AKR1C3: variants seen among roughly 807,000 people sequenced by gnomAD.
The protein encoded by AKR1C3 is 3-alpha hydroxysteroid dehydrogenase, type II.
In AKR1C3, 48 loss-of-function variants were observed where a neutral mutation model predicts 43.6. The ratio of observed to expected loss-of-function variants is 1.10; its 90% CI spans 0.87 to 1.40. The LOEUF is 1.40. Among genes scored for constraint, AKR1C3 ranks in the 40% most tolerant of loss-of-function variants. The pLI is 0.00. For synonymous variants in AKR1C3, 162 were observed against 139.6 expected (o/e 1.16, Z -1.13); for missense variants, 482 against 391.2 (o/e 1.23, Z -1.96).
chr10:5,048,846 A>G (rs1554778632), exon 1 of AKR1C3: 2 of 1,614,008 alleles, frequency 1.2e-6, no homozygotes, highest in East Asian at 2.2e-5. Flanking sequence ...AAGCTAAATG[A>G]TGGTCACTTC....
chr10:5,049,006 C>G, intron 1 of AKR1C3: 3 of 812,676 alleles, frequency 3.7e-6, no homozygotes, highest in Non-Finnish European at 6.2e-6. Context: ...ATGACTCCAA[C>G]CTGAGTTTCC....
At chr10:5,061,081 G>C (rs1838373753) in intron 1 of AKR1C3, among the ~76,000 whole-genome samples, 1 of 152,202 alleles carries the variant, frequency 6.6e-6, no homozygotes. Context: ...AGCCCAGAAA[G>C]GGGCTCCCAC....
intron 8 of AKR1C3, among the ~76,000 whole-genome samples, chr10:5,106,612 A>G (rs587638543): frequency 6.6e-6 from 1 of 152,110 alleles, no homozygotes; most frequent in African/African-American, 2.4e-5. Flanking sequence ...TTAGCCAGGC[A>G]TGGTGACACT....
At chr10:5,085,467 A>C (rs1838942556) in intron 1 of AKR1C3, among the ~76,000 whole-genome samples, 1 of 151,796 alleles carries the variant, frequency 6.6e-6, no homozygotes, top group Non-Finnish European at 1.5e-5. Context: ...GTGCTGCTGG[A>C]TTCGGTTTGC....
chr10:5,069,958 G>A (rs1450822204), intron 1 of AKR1C3, among the ~76,000 whole-genome samples: 2 of 152,176 alleles, frequency 1.3e-5, no homozygotes, highest in Admixed American at 6.6e-5. Context: ...GCAATACCTG[G>A]GAGTGACTCC....
At chr10:5,067,616 G>GA (rs1406973107) in intron 1 of AKR1C3, among the ~76,000 whole-genome samples, 4 of 152,146 alleles carry the variant, frequency 2.6e-5, no homozygotes, top group Non-Finnish European at 5.9e-5. Context: ...TATACAACCA[G>GA]AAAACATGCA....
upstream of AKR1C3, chr10:5,048,790 G>A: frequency 6.2e-7 from 1 of 1,609,534 alleles, no homozygotes; most frequent in Non-Finnish European, 8.5e-7. Flanking sequence ...AGAAACATTT[G>A]CTAGCCAGCT....
intron 1 of AKR1C3, among the ~76,000 whole-genome samples, chr10:5,061,099 C>T (rs921444968): frequency 2.6e-5 from 4 of 152,200 alleles, no homozygotes; most frequent in African/African-American, 7.2e-5. Flanking sequence ...CACAGTGCAG[C>T]GGCGGGCTGA....
chr10:5,105,478 A>ATAAC lies in AKR1C3; in HGVS notation c.847-115_847-112dup, dbSNP rs1257193967. The ATAAC allele has an allele frequency of 3.2e-5, 24 of 738,936 alleles. No homozygotes were observed. The East Asian group carries it at 4.1e-4, about 13-fold the overall frequency. 45.8% of individuals were successfully genotyped at this position (738,936 alleles called of 1,614,324 possible). A position where few individuals can be genotyped will look rare whatever the true frequency, so the allele number is the denominator to read the frequency against. On this transcript the variant is annotated intron_variant, in intron 7 of 8. Coordinates refer to ENST00000380554, the MANE Select transcript of AKR1C3 (RefSeq NM_003739.6). ...ACCTGAGTGTTTAGAGCTGACTTCT[A>ATAAC]TAACTGTTTAAAACTTACCAATATT... is the stretch of plus-strand genomic sequence containing the variant.
intron 1 of AKR1C3, among the ~76,000 whole-genome samples, chr10:5,079,891 T>G (rs1838795806): frequency 6.6e-6 from 1 of 152,178 alleles, no homozygotes; most frequent in African/African-American, 2.4e-5. Context: ...TGTAATCAAG[T>G]CACCAAAACT....
intron 1 of AKR1C3, among the ~76,000 whole-genome samples, chr10:5,069,728 G>A (rs1838580734): frequency 6.6e-6 from 1 of 152,118 alleles, no homozygotes; most frequent in African/African-American, 2.4e-5. Flanking sequence ...ACAAAAATTA[G>A]CCCAGCATGG....
chr10:5,069,434 G>T (rs141775920), intron 1 of AKR1C3, among the ~76,000 whole-genome samples: 5 of 152,290 alleles, frequency 3.3e-5, no homozygotes, highest in Admixed American at 2.6e-4. Flanking sequence ...CAAAAAGTTA[G>T]TTAGAATTTG....
chr10:5,049,717 TTCTC>T (rs1378792975), intron 1 of AKR1C3, among the ~76,000 whole-genome samples: 1 of 152,248 alleles, frequency 6.6e-6, no homozygotes, highest in African/African-American at 2.4e-5. Context: ...AGTCTCACTT[TTCTC>T]TCTATCAGTG....
At chr10:5,105,503 T>C in intron 7 of AKR1C3, 92 bp from the exon 8 acceptor site, 2 of 953,342 alleles carry the variant, frequency 2.1e-6, no homozygotes, top group South Asian at 3.2e-5. Context: ...TTACCAATAT[T>C]TTAAGTATTG....
intron 1 of AKR1C3, among the ~76,000 whole-genome samples, chr10:5,060,787 G>GACA (rs1554780150): frequency 3.6e-4 from 26 of 72,032 alleles, no homozygotes; most frequent in African/African-American, 1.3e-3. Context: ...CACAGAGGTG[G>GACA]GGAGGCTCAG....
chr10:5,072,816 G>A (rs1412573153), intron 1 of AKR1C3, among the ~76,000 whole-genome samples: 7 of 152,098 alleles, frequency 4.6e-5, no homozygotes, highest in Admixed American at 2.0e-4. Flanking sequence ...ATGAAGACCA[G>A]TTATCATTTA....
In AKR1C3 at chr10:5,097,891, A is replaced by G. The variant is rs571388187; in HGVS notation, c.369+341A>G. 133 of 1,103,046 alleles carry G rather than the reference A, an allele frequency of 1.2e-4. 1 individual carries two copies. In the African/African-American group the frequency reaches 2.0e-3, roughly 17 times the overall value. 68.3% of individuals were successfully genotyped at this position (1,103,046 alleles called of 1,614,324 possible). ...GAGTTTCATGCAGTTGTGGTGCCCA[A>G]TAAAACTGCTGCACATGTGATGCAC... On this transcript the variant is annotated intron_variant, in intron 3 of 8. Coordinates refer to ENST00000380554, the MANE Select transcript of AKR1C3 (RefSeq NM_003739.6).
chr10:5,082,563 T>G (rs10904411), intron 1 of AKR1C3, among the ~76,000 whole-genome samples: 7 of 151,934 alleles, frequency 4.6e-5, no homozygotes, highest in African/African-American at 1.7e-4. Context: ...TGCTTTTAAG[T>G]ATGTTTATAT....
chr10:5,050,769 G>A (rs1838136866), intron 1 of AKR1C3, among the ~76,000 whole-genome samples: 1 of 152,074 alleles, frequency 6.6e-6, no homozygotes, highest in African/African-American at 2.4e-5. Context: ...CATTTTTAAT[G>A]CATTGCATAT....
Sources: allele counts gnomAD v4.1 joint callset (sites outside exome capture counted in the v4.1 genomes callset), GRCh38; gene constraint gnomAD v4.1.1; transcripts MANE v1.5; gene names NCBI Gene and HGNC (gene_info 2026-07-23, HGNC 2026-07-21).